WDFY4: variants seen among roughly 807,000 people sequenced by gnomAD.
The protein encoded by WDFY4 is WDFY family member 4, also known as WD repeat- and FYVE domain-containing protein 4.
WDFY4 carries 169 observed loss-of-function variants against 351.9 expected under a neutral mutation model. The ratio of observed to expected loss-of-function variants is 0.48; its 90% CI spans 0.42 to 0.55. The LOEUF (loss-of-function observed/expected upper bound fraction) is 0.55. Among genes scored for constraint, WDFY4 ranks in the 20% least tolerant of loss-of-function variants. The pLI, the probability that WDFY4 is intolerant of heterozygous loss-of-function variation, is 0.00. For synonymous variants in WDFY4, 1,622 were observed against 1,574.6 expected, an observed-to-expected ratio of 1.03 and a Z score of -0.71; for missense variants, 3,803 against 3,935.6, an observed-to-expected ratio of 0.97 and a Z score of 0.90.
At chr10:48,778,145 G>A (rs2066096021) in intron 17 of WDFY4, among the ~76,000 whole-genome samples, 1 of 152,206 alleles carries the variant, frequency 6.6e-6, no homozygotes, top group African/African-American at 2.4e-5. Context: ...GGTTTCTATG[G>A]GATCATGGGT....
chr10:48,955,730 G>C (rs1228434810), intron 51 of WDFY4, among the ~76,000 whole-genome samples: 2 of 152,204 alleles, frequency 1.3e-5, no homozygotes, highest in Non-Finnish European at 2.9e-5. Flanking sequence ...GACATGCCAA[G>C]AGAAGGCCCC....
chr10:48,805,184 A>G (rs7085105), intron 25 of WDFY4, 76 bp from the exon 26 acceptor site: 2 of 1,483,278 alleles, frequency 1.3e-6, no homozygotes, highest in African/African-American at 2.8e-5. Context: ...GGCTTGAAAA[A>G]CCTTTTTAGC....
intron 1 of WDFY4, among the ~76,000 whole-genome samples, chr10:48,703,837 G>T (rs926607135): frequency 1.3e-5 from 2 of 152,190 alleles, no homozygotes; most frequent in Admixed American, 6.5e-5. Context: ...CCTGGTGTGG[G>T]TTGTTACAAT....
chr10:48,817,940 T>C (rs1299124158), intron 32 of WDFY4, among the ~76,000 whole-genome samples: 1 of 152,228 alleles, frequency 6.6e-6, no homozygotes, highest in Non-Finnish European at 1.5e-5. Context: ...TTGGGTCTTA[T>C]GCTCTGGGGG....
chr10:48,760,449 T>A lies in WDFY4; in HGVS notation c.2553+9T>A. ...ATGAAGATCACCCACAGGTACCTGG[T>A]GTTGAATATGTGTGTTTTGTCATCT... On this transcript the variant is annotated intron_variant, in intron 13 of 61. Coordinates refer to ENST00000325239, the MANE Select transcript of WDFY4 (RefSeq NM_001394531.1). 3 of 1,551,474 alleles carry A rather than the reference T, an allele frequency of 1.9e-6. No homozygotes were observed. The highest frequency in any genetic ancestry group is 2.4e-5 in the East Asian group (1 of 40,914).
At position 48,723,504 on chromosome 10, in the gene WDFY4, C is replaced by G; in HGVS notation, c.528C>G (p.Val176=). The G allele has an allele frequency of 6.4e-7, 1 of 1,551,636 alleles. No individual in the cohort carries two copies. The highest frequency in any genetic ancestry group is 8.7e-7 in the Non-Finnish European group (1 of 1,147,022). ...LLLQCLYLFF[V]FPLDKDELLE... Reference sequence around the variant, plus strand: ...TACAGTGCCTTTACCTCTTCTTTGTCTTTCCTCTGGACAAAGATGAGCTTC... The same window carrying G: ...TACAGTGCCTTTACCTCTTCTTTGTGTTTCCTCTGGACAAAGATGAGCTTC... Residue 176 remains valine (V), a synonymous_variant, in exon 5 of 62, where the codon GTC becomes GTG. Transcript: ENST00000325239.
At chr10:48,895,379 C>T (rs988692856) in intron 44 of WDFY4, among the ~76,000 whole-genome samples, 4 of 152,222 alleles carry the variant, frequency 2.6e-5, no homozygotes, top group African/African-American at 9.6e-5. Context: ...TTTCCTCACC[C>T]ACTCCCTGTC....
chr10:48,811,699 C>T lies in WDFY4; in HGVS notation c.5205C>T (p.Asp1735=), dbSNP rs1374055398. The change falls in exon 30 of 62, where the codon GAC becomes GAT. Residue 1735 remains aspartate (D), a synonymous_variant. Coordinates refer to ENST00000325239, the MANE Select transcript of WDFY4 (RefSeq NM_001394531.1). ...FLQTPLTELM[D]GPKDSLDAML... is the part of the protein sequence containing the mutation. ...AGACACCACTCACAGAGCTGATGGA[C>T]GGGCCCAAAGTAGGTTTTCAGAGCA... 1.9e-5 allele frequency: 30 copies of T among 1,551,540 alleles called. No homozygotes were observed. The highest frequency in any genetic ancestry group is 8.2e-5 in the African/African-American group (6 of 73,048).
chr10:48,810,761 G>T (rs903415365), intron 29 of WDFY4, 26 bp downstream of exon 29: 1 of 1,493,916 alleles, frequency 6.7e-7, no homozygotes, highest in Non-Finnish European at 8.9e-7. Context: ...TCTCCAGGGA[G>T]TGGGGCACCA....
chr10:48,710,284 G>A (rs931272859), intron 2 of WDFY4, among the ~76,000 whole-genome samples: 1 of 152,194 alleles, frequency 6.6e-6, no homozygotes, highest in Non-Finnish European at 1.5e-5. Flanking sequence ...TGGAAGGGGT[G>A]AGGGGCCTCT....
chr10:48,882,509 G>A (rs1190407638), intron 43 of WDFY4, among the ~76,000 whole-genome samples: 1 of 152,158 alleles, frequency 6.6e-6, no homozygotes, highest in African/African-American at 2.4e-5. Flanking sequence ...TTGCTATAAA[G>A]GAATTCCTGA....
At chr10:48,860,420 G>A (rs547411280) in intron 39 of WDFY4, among the ~76,000 whole-genome samples, 84 of 152,288 alleles carry the variant, frequency 5.5e-4, no homozygotes, top group African/African-American at 1.9e-3. Flanking sequence ...ACTGAAGGCT[G>A]CCTTCTTGCT....
At chr10:48,889,336 G>T (rs17011373) in intron 43 of WDFY4, among the ~76,000 whole-genome samples, 19,375 of 152,126 alleles carry the variant, frequency 0.13, 1,364 homozygotes, top group Middle Eastern at 0.21. Flanking sequence ...TGGCTTTCAC[G>T]GATCCCATTT....
intron 5 of WDFY4, among the ~76,000 whole-genome samples, chr10:48,725,008 G>C (rs1314421031): frequency 6.6e-6 from 1 of 152,192 alleles, no homozygotes; most frequent in Non-Finnish European, 1.5e-5. Flanking sequence ...AGAGCTGAGG[G>C]TTGTCAGGGT....
chr10:48,709,061 C>G (rs1262922039), intron 1 of WDFY4, among the ~76,000 whole-genome samples: 1 of 150,468 alleles, frequency 6.6e-6, no homozygotes, highest in South Asian at 2.1e-4. Context: ...AACTTGACGT[C>G]TAGCTGCCTG....
intron 12 of WDFY4, 64 bp downstream of exon 12, chr10:48,743,612 G>A (rs1379049735): frequency 6.8e-7 from 1 of 1,474,164 alleles, no homozygotes; most frequent in South Asian, 1.3e-5. Context: ...CTAACGTCTT[G>A]CGCATGTGTA....
intron 2 of WDFY4, among the ~76,000 whole-genome samples, chr10:48,712,949 G>A (rs1376083638): frequency 6.6e-6 from 1 of 152,186 alleles, no homozygotes; most frequent in Non-Finnish European, 1.5e-5. Context: ...CAAACAAAGA[G>A]TCCTGAACTC....
At chr10:48,805,904 C>A in intron 26 of WDFY4, 100 bp from the exon 27 acceptor site, 1 of 932,532 alleles carries the variant, frequency 1.1e-6, no homozygotes, top group Non-Finnish European at 1.7e-6. Flanking sequence ...CTCTCACTTG[C>A]AGCTGCACGT....
Position 48,941,849 on chromosome 10 carries a change from G to T in WDFY4, c.7629+1G>T. 3 of 1,551,940 alleles carry T rather than the reference G, an allele frequency of 1.9e-6. No individual in the cohort carries two copies. Among genetic ancestry groups the T allele is most frequent in the Non-Finnish European group, 1.7e-6 (2 of 1,147,036 alleles). ...CAGGATCATGCTGCAGAAGTGGCAG[G>T]TACAGTAGCTCCTCCAGAGGGAAGC... is the stretch of plus-strand genomic sequence containing the variant. On this transcript the variant is annotated splice_donor_variant, in intron 48 of 61. Transcript: ENST00000325239. LOFTEE classifies it high-confidence loss of function.
Sources: gnomAD v4.1 joint callset for allele counts (sites outside exome capture counted in the v4.1 genomes callset) on GRCh38, gnomAD v4.1.1 for gene constraint, MANE v1.5 for transcripts, NCBI Gene and HGNC (gene_info 2026-07-23, HGNC 2026-07-21) for gene names.